The following TSKS variants were observed in gnomAD, a reference collection of about 807,000 sequenced individuals.
The protein encoded by TSKS is testis specific serine kinase substrate.
TSKS carries 27 observed loss-of-function variants against 68.0 expected under a neutral mutation model. The ratio of observed to expected loss-of-function variants is 0.40; its 90% confidence interval spans 0.29 to 0.55. The LOEUF (loss-of-function observed/expected upper bound fraction) is 0.55, where lower values mean the gene tolerates loss of function less well. Ranked by LOEUF, TSKS falls within the 20% of genes least tolerant of loss-of-function variation. TSKS has a pLI of 0.53. For missense variants in TSKS, 806 were observed against 776.0 expected, an observed-to-expected ratio of 1.04 and a Z score of -0.46; for synonymous variants, 331 against 340.4, an observed-to-expected ratio of 0.97 and a Z score of 0.30.
rs61310693 is a variant in TSKS, at chr19:49,751,899, CAAAAAAA to C, written c.400-3437_400-3431del. 2.5e-3 allele frequency among the ~76,000 whole-genome samples: 105 copies of C among 41,676 alleles called. 1 individual carries two copies. Among genetic ancestry groups the C allele is most frequent in the African/African-American group, 6.0e-3 (80 of 13,326 alleles). The allele number at this position is 41,676 out of a possible 152,430, so 27.3% of individuals were successfully genotyped here. A position where few individuals can be genotyped will look rare whatever the true frequency, so the allele number is the denominator to read the frequency against. ...ACAACATGGTGAGACCCCAACTCTA[CAAAAAAA>C]AAAAAAAAAAAAAAAAAAGTAGCCA... On this transcript the variant is annotated intron_variant, in intron 2 of 10. Transcript: ENST00000246801.
In TSKS at chr19:49,759,225, G is replaced by C. The variant is rs920428609; in HGVS notation, c.399+2779C>G. On this transcript the variant is annotated intron_variant, in intron 2 of 10. Coordinates refer to ENST00000246801, the MANE Select transcript of TSKS (RefSeq NM_021733.2). ...GTGGCTCATGCCTGTAATCCCAGCA[G>C]TTTGGGAGGCTGAGGCAGGCAGATG... Among the ~76,000 whole-genome samples the C allele has an allele frequency of 9.9e-5, 15 of 151,218 alleles. No homozygotes were observed. The East Asian group carries it at 9.9e-4, about 10-fold the overall frequency.
rs773204255 is a variant in TSKS, at chr19:49,742,034, GGTCACCAGATAAAGAGGCCCA to G, written c.1362-35_1362-15del. The G allele has an allele frequency of 6.2e-7, 1 of 1,612,706 alleles. No homozygotes were observed. On this transcript the variant is annotated splice_polypyrimidine_tract_variant and intron_variant, in intron 8 of 10. Transcript: ENST00000246801. ...TGCGACCCCTGGCTGGGGGAGGGGC[GGTCACCAGATAAAGAGGCCCA>G]GTACCAACTCCAGGACGCCCCATGC...
At chr19:49,754,376 G>C (rs2123622082) in intron 2 of TSKS, among the ~76,000 whole-genome samples, 1 of 151,876 alleles carries the variant, frequency 6.6e-6, no homozygotes, top group Non-Finnish European at 1.5e-5. Context: ...GTGCACACCT[G>C]TAATCCCAGC....
chr19:49,749,288 T>C (rs187751448), intron 2 of TSKS, among the ~76,000 whole-genome samples: 3 of 152,320 alleles, frequency 2.0e-5, no homozygotes, highest in East Asian at 1.9e-4. Context: ...AAATGGGATA[T>C]CCCTTGTCTT....
At position 49,763,010 on chromosome 19, in the gene TSKS, G is replaced by A. The variant is rs112710206; in HGVS notation, c.170+68C>T. ...TCCCCTTCCTCTAGCACCCACAGTC[G>A]GACTCCTGCTCTGTTGGAGGTAGTG... is the stretch of plus-strand genomic sequence containing the variant. On this transcript the variant is annotated intron_variant, in intron 1 of 10. Coordinates refer to ENST00000246801, the MANE Select transcript of TSKS (RefSeq NM_021733.2). The surrounding 1 kb of genome is among the most constrained non-coding windows in gnomAD (Gnocchi z 4.5). The A allele has an allele frequency of 9.6e-4, 1,449 of 1,513,920 alleles. 11 individuals are homozygous for A. In the African/African-American group the frequency reaches 0.018, roughly 18 times the overall value. 93.8% of individuals were successfully genotyped at this position (1,513,920 alleles called of 1,614,324 possible). A position where few individuals can be genotyped will look rare whatever the true frequency, so the allele number is the denominator to read the frequency against.
chr19:49,758,767 A>C (rs1357357247), intron 2 of TSKS, among the ~76,000 whole-genome samples: 1 of 152,062 alleles, frequency 6.6e-6, no homozygotes, highest in African/African-American at 2.4e-5. Context: ...ATTAGTGACA[A>C]AAGCAGCAGC....
At chr19:49,742,580 C>T (rs2084261671) in intron 8 of TSKS, among the ~76,000 whole-genome samples, 1 of 149,090 alleles carries the variant, frequency 6.7e-6, no homozygotes, top group African/African-American at 2.5e-5. Flanking sequence ...CTCACTGCAA[C>T]CTCTGCCTCC....
At position 49,748,111 on chromosome 19, in the gene TSKS, A is replaced by G; in HGVS notation, c.553T>C (p.Leu185=). The G allele has an allele frequency of 6.2e-7, 1 of 1,613,026 alleles. No individual in the cohort carries two copies. Among genetic ancestry groups the G allele is most frequent in the Non-Finnish European group, 8.5e-7 (1 of 1,179,776 alleles). ...LERRRQEAEE[L]EGYCIQLKEN... ...TTGAGTTGAATGCAGTACCCCTCCA[A>G]CTCTTCTGCCTCTTGCCGCCTTCTC... The change falls in exon 4 of 11, where the codon TTG becomes CTG. Residue 185 remains leucine (L), a synonymous_variant. Transcript: ENST00000246801.
intron 2 of TSKS, among the ~76,000 whole-genome samples, chr19:49,753,397 T>A (rs999490609): frequency 6.6e-5 from 10 of 151,748 alleles, no homozygotes. Context: ...CCGTCTCTAC[T>A]AAAAAATACA....
chr19:49,740,004 A>G, intron 10 of TSKS, 55 bp downstream of exon 10: 2 of 1,611,784 alleles, frequency 1.2e-6, no homozygotes, highest in Non-Finnish European at 1.7e-6. Flanking sequence ...AGGGGAGATC[A>G]GGCCCTTTCC....
chr19:49,749,639 G>A (rs981538881), intron 2 of TSKS, among the ~76,000 whole-genome samples: 1 of 151,922 alleles, frequency 6.6e-6, no homozygotes, highest in East Asian at 1.9e-4. Context: ...GTGTGTGTGT[G>A]TGGGGGGTCT....
rs377222493 is a variant in TSKS, at chr19:49,744,225, C to T, written c.1361+6G>A. 86 of 1,609,208 alleles carry T rather than the reference C, an allele frequency of 5.3e-5. No individual in the cohort carries two copies. The African/African-American group carries it at 1.0e-3, about 19-fold the overall frequency. ...AGGCTCCCAGAGGCAAGCCCAGCCC[C>T]GTTACCTGGCACAGCGGGCACAGTT... On this transcript the variant is annotated splice_donor_region_variant and intron_variant, in intron 8 of 10. Coordinates refer to ENST00000246801, the MANE Select transcript of TSKS (RefSeq NM_021733.2).
chr19:49,743,888 G>C (rs1169901606), intron 8 of TSKS, among the ~76,000 whole-genome samples: 1 of 151,572 alleles, frequency 6.6e-6, no homozygotes, highest in African/African-American at 2.4e-5. Context: ...TGTATTTTTA[G>C]TAGATACGGG....
At chr19:49,751,899 CAAAAAAAA>C (rs61310693) in intron 2 of TSKS, among the ~76,000 whole-genome samples, 2 of 41,678 alleles carry the variant, frequency 4.8e-5, no homozygotes, top group Admixed American at 3.0e-4. Context: ...CCCAACTCTA[CAAAAAAAA>C]AAAAAAAAAA....
intron 8 of TSKS, 139 bp downstream of exon 8, chr19:49,744,092 G>A (rs965336974): frequency 3.6e-5 from 30 of 824,222 alleles, no homozygotes; most frequent in African/African-American, 8.5e-5. Context: ...CAGCAGGACC[G>A]GCTGTTTCTA....
At position 49,739,765 on chromosome 19, in the gene TSKS, T is replaced by G; in HGVS notation, c.*11A>C. On this transcript the variant is annotated 3_prime_UTR_variant, in exon 11 of 11. Coordinates refer to ENST00000246801, the MANE Select transcript of TSKS (RefSeq NM_021733.2). ...AAAGCAGACAGAATTCATGCTAGCATGAGAGGCCATTTATTGTTCAGGGGC... is the reference window on the plus strand; with the variant it reads ...AAAGCAGACAGAATTCATGCTAGCAGGAGAGGCCATTTATTGTTCAGGGGC... 2.7e-5 allele frequency: 33 copies of G among 1,218,248 alleles called. No homozygotes were observed. Among genetic ancestry groups the G allele is most frequent in the Non-Finnish European group, 3.8e-5 (32 of 832,906 alleles). The allele number at this position is 1,218,248 out of a possible 1,614,324, so 75.5% of individuals were successfully genotyped here.
Position 49,748,138 on chromosome 19 carries a change from C to T in TSKS, c.526G>A (p.Glu176Lys). The change falls in exon 4 of 11, where the codon GAG becomes AAG. Residue 176 changes from glutamate to lysine, a missense_variant. Physicochemically the swap from Glu to Lys is moderately conservative, Grantham distance 56. Coordinates refer to ENST00000246801, the MANE Select transcript of TSKS (RefSeq NM_021733.2). The stretch of plus-strand genomic sequence containing the variant: ...TCTTCTGCCTCTTGCCGCCTTCTCT[C>T]CAGATTCTCGCTCAGCACAGAACAC... ...SECSVLSENL[E>K]RRRQEAEELE... 1.2e-6 allele frequency: 2 copies of T among 1,614,186 alleles called. No homozygotes were observed. Among genetic ancestry groups the T allele is most frequent in the Non-Finnish European group, 1.7e-6 (2 of 1,180,026 alleles).
intron 6 of TSKS, among the ~76,000 whole-genome samples, chr19:49,746,176 C>T (rs1255366212): frequency 5.3e-5 from 8 of 151,500 alleles, no homozygotes; most frequent in Non-Finnish European, 1.0e-4. Flanking sequence ...AGCGAGACTC[C>T]GCCTCAAAAA....
At chr19:49,747,190 G>T in intron 5 of TSKS, 199 bp downstream of exon 5, 1 of 1,536,688 alleles carries the variant, frequency 6.5e-7, no homozygotes, top group Non-Finnish European at 8.7e-7. Flanking sequence ...GAATGTGACT[G>T]CAGGGCAAGA....
Sources: allele counts gnomAD v4.1 joint callset (sites outside exome capture counted in the v4.1 genomes callset), GRCh38; gene constraint gnomAD v4.1.1; non-coding constraint Gnocchi (gnomAD v3.1); transcripts MANE v1.5; gene names NCBI Gene and HGNC (gene_info 2026-07-23, HGNC 2026-07-21).